The following MORN1 variants were observed in gnomAD, a reference collection of about 807,000 sequenced individuals.
MORN1 encodes MORN repeat-containing protein 1.
Under a neutral mutation model 61.9 loss-of-function variants are expected in MORN1, and 67 were observed. That is an observed-to-expected ratio of 1.08 (90% CI 0.89 to 1.33). The LOEUF is 1.33. Ranked by LOEUF, MORN1 falls within the 40% of genes most tolerant of loss-of-function variation. The pLI, the probability that MORN1 is intolerant of heterozygous loss-of-function variation, is 0.00. For missense variants in MORN1, 752 were observed against 691.2 expected (o/e 1.09, Z -0.99); for synonymous variants, 301 against 292.0 (o/e 1.03, Z -0.31).
At chr1:2,374,328 G>GGCAAA in intron 7 of MORN1, 133 bp downstream of exon 7, 1 of 693,248 alleles carries the variant, frequency 1.4e-6, no homozygotes, top group Non-Finnish European at 2.5e-6. Context: ...AAAGGGGTGG[G>GGCAAA]GTTTTATATT....
chr1:2,353,604 T>C (rs1557878473), intron 10 of MORN1, among the ~76,000 whole-genome samples: 1 of 152,282 alleles, frequency 6.6e-6, no homozygotes, highest in Admixed American at 6.5e-5. Context: ...TTTCTCCTAC[T>C]TGGGGATGAA....
At chr1:2,324,061 C>T (rs1640943190) in intron 13 of MORN1, 36 bp downstream of exon 13, 3 of 1,575,690 alleles carry the variant, frequency 1.9e-6, no homozygotes, top group East Asian at 4.6e-5. Context: ...CAGACAGTGG[C>T]ACAGCCGGCG....
At position 2,385,013 on chromosome 1, in the gene MORN1, CGT is replaced by C; in HGVS notation, c.500_501del (p.His167ArgfsTer104). 6.3e-7 allele frequency: 1 copy of C among 1,597,422 alleles called. No homozygotes were observed. Among genetic ancestry groups the C allele is most frequent in the Non-Finnish European group, 8.5e-7 (1 of 1,173,682 alleles). On this transcript the variant is annotated frameshift_variant, in exon 6 of 14. Transcript: ENST00000378531. LOFTEE classifies it high-confidence loss of function. Reference protein sequence around the residue: ...GDWVRDRRQGHGVLRCADGST... With the variant: ...GDWVRDRRQGXGVLRCADGST... ...GAGCCGTCGGCGCAGCGCAGCACCC[CGT>C]GTCCCTGACGCCGGTCCCGGACCCA...
intron 8 of MORN1, chr1:2,371,381 T>G (rs1305663492): frequency 6.6e-6 from 1 of 152,118 alleles, no homozygotes; most frequent in African/African-American, 2.4e-5. Context: ...TAGACATTTC[T>G]CCAAAGAAGA....
chr1:2,375,078 A>G (rs1642204659), intron 6 of MORN1: 1 of 152,216 alleles, frequency 6.6e-6, no homozygotes, highest in Non-Finnish European at 1.5e-5. Flanking sequence ...GTACACCCCA[A>G]CTCTGCCTCC....
In MORN1 at chr1:2,357,902, C is replaced by T. The variant is rs1221913964; in HGVS notation, c.870-304G>A. ...GGTGCGTTCTGACTTCACAGTGGGT[C>T]CAAGTTTACCCCAAATGTCAGACAG... On this transcript the variant is annotated intron_variant, in intron 9 of 13. Coordinates refer to ENST00000378531, the MANE Select transcript of MORN1 (RefSeq NM_024848.3). This position sits in a 1 kb window ranked among gnomAD's most constrained non-coding sequence, Gnocchi z 6.3. Among the ~76,000 whole-genome samples the T allele has an allele frequency of 1.3e-5, 2 of 152,168 alleles. No homozygotes were observed. Among genetic ancestry groups the T allele is most frequent in the East Asian group, 3.9e-4 (2 of 5,190 alleles).
chr1:2,336,416 G>A lies in MORN1; in HGVS notation c.1250+53C>T, dbSNP rs1271312480. ...CCCGTCCTCCTGGCCCAGCTGATGA[G>A]GAGGCCACAGCTGACCCTCCGAACA... On this transcript the variant is annotated intron_variant, in intron 12 of 13. Coordinates refer to ENST00000378531, the MANE Select transcript of MORN1 (RefSeq NM_024848.3). 1.9e-5 allele frequency: 29 copies of A among 1,556,700 alleles called. 1 individual carries two copies. Among genetic ancestry groups the A allele is most frequent in the South Asian group, 1.0e-4 (9 of 88,704 alleles).
Position 2,389,990 on chromosome 1 carries a change from C to T in MORN1, c.83G>A (p.Gly28Asp). 2 of 1,613,602 alleles carry T rather than the reference C, an allele frequency of 1.2e-6. No homozygotes were observed. Among genetic ancestry groups the T allele is most frequent in the African/African-American group, 1.3e-5 (1 of 75,032 alleles). ...GAAGGAATTTGGGTATACGTAGACACCATAACCTGAGTATTGAGAAGACAC... is the reference window on the plus strand; with the variant it reads ...GAAGGAATTTGGGTATACGTAGACATCATAACCTGAGTATTGAGAAGACAC... ...PPRRPPRNGYGVYVYPNSFFR... is the reference protein window; with the variant it reads ...PPRRPPRNGYDVYVYPNSFFR... Residue 28 changes from glycine (G) to aspartate (D), a missense_variant, in exon 2 of 14, where the codon GGT (glycine) becomes GAT (aspartate). Transcript: ENST00000378531.
chr1:2,380,985 G>C (rs929943715), intron 6 of MORN1, among the ~76,000 whole-genome samples: 2 of 152,232 alleles, frequency 1.3e-5, no homozygotes, highest in African/African-American at 4.8e-5. Context: ...TGCCTCTCCG[G>C]GTCGATGCCG....
At chr1:2,343,745 C>G (rs576907329) in intron 10 of MORN1, among the ~76,000 whole-genome samples, 2 of 152,170 alleles carry the variant, frequency 1.3e-5, no homozygotes, top group South Asian at 4.1e-4. Context: ...GACGCACAGC[C>G]GCAGAGGCCA....
At chr1:2,374,156 G>A (rs1642183612) in intron 7 of MORN1, among the ~76,000 whole-genome samples, 3 of 152,178 alleles carry the variant, frequency 2.0e-5, no homozygotes, top group South Asian at 2.1e-4. Context: ...CCACCCTGTG[G>A]CCACATCACA....
chr1:2,340,645 A>G (rs750177472), intron 10 of MORN1, among the ~76,000 whole-genome samples: 5 of 152,108 alleles, frequency 3.3e-5, no homozygotes, highest in Non-Finnish European at 7.4e-5. Flanking sequence ...CAGCAGGTGG[A>G]CCTTGTCACT....
rs1444670605 is a variant in MORN1, at chr1:2,366,983, AAT to A, written c.745+5496_745+5497del. ...AAATACATAGAAAAATACATAGAAAAATACATAGAAAAACACATAGAAAAATA... is the reference window on the plus strand; with the variant it reads ...AAATACATAGAAAAATACATAGAAAAACATAGAAAAACACATAGAAAAATA... On this transcript the variant is annotated intron_variant, in intron 8 of 13. Transcript: ENST00000378531. Among the ~76,000 whole-genome samples, 472 of 151,470 alleles carry A rather than the reference AAT, an allele frequency of 3.1e-3. 3 individuals carry two copies. Among genetic ancestry groups the A allele is most frequent in the African/African-American group, 0.011 (449 of 41,450 alleles).
intron 8 of MORN1, 117 bp from the exon 9 acceptor site, chr1:2,358,832 A>G (rs1569988983): frequency 7.7e-7 from 1 of 1,301,764 alleles, no homozygotes; most frequent in East Asian, 2.5e-5. Flanking sequence ...CACATTTGCC[A>G]GTGGCTGTGA....
intron 6 of MORN1, among the ~76,000 whole-genome samples, chr1:2,381,767 A>G (rs923163819): frequency 6.6e-6 from 1 of 152,170 alleles, no homozygotes; most frequent in Admixed American, 6.5e-5. Context: ...GGCTCTCAGG[A>G]GTACCCAGCC....
chr1:2,363,864 T>A (rs947958242), intron 8 of MORN1, among the ~76,000 whole-genome samples: 3 of 147,694 alleles, frequency 2.0e-5, no homozygotes, highest in African/African-American at 7.6e-5. Flanking sequence ...TCATAAAAAA[T>A]GCCCAATTCA....
chr1:2,384,898 G>C (rs1180942532), intron 6 of MORN1, 80 bp downstream of exon 6: 10 of 1,243,000 alleles, frequency 8.0e-6, no homozygotes, highest in Non-Finnish European at 1.1e-5. Flanking sequence ...CCAGGGTGAG[G>C]CTCCCCATAC....
chr1:2,364,775 A>G (rs1205507643), intron 8 of MORN1, among the ~76,000 whole-genome samples: 1 of 152,102 alleles, frequency 6.6e-6, no homozygotes, highest in Non-Finnish European at 1.5e-5. Context: ...AGCTTTCTAC[A>G]TATGGCTAGC....
At chr1:2,382,868 C>A (rs1642403866) in intron 6 of MORN1, among the ~76,000 whole-genome samples, 1 of 152,190 alleles carries the variant, frequency 6.6e-6, no homozygotes, top group Admixed American at 6.5e-5. Flanking sequence ...GGCTGGCAGA[C>A]CCCGGAGTGG....
Sources: gnomAD v4.1 joint callset for allele counts (sites outside exome capture counted in the v4.1 genomes callset) on GRCh38, gnomAD v4.1.1 for gene constraint, Gnocchi (gnomAD v3.1) non-coding constraint, MANE v1.5 for transcripts, NCBI Gene and HGNC (gene_info 2026-07-23, HGNC 2026-07-21) for gene names.